Variants in CTNND2 observed in about 807,000 individuals in gnomAD.
The protein encoded by CTNND2 is catenin delta 2.
Under a neutral mutation model 144.4 loss-of-function variants are expected in CTNND2, and 22 were observed. That is an observed-to-expected ratio of 0.15 (90% CI 0.11 to 0.22). The LOEUF is 0.22. CTNND2 is among the 10% of genes least tolerant of loss of function. CTNND2 has a pLI of 1.00. For missense variants in CTNND2, 1,353 were observed against 1,618.8 expected (o/e 0.84, Z 2.82); for synonymous variants, 751 against 695.6 (o/e 1.08, Z -1.25).
intron 3 of CTNND2, among the ~76,000 whole-genome samples, chr5:11,492,520 T>G (rs1487647651): frequency 6.6e-6 from 1 of 151,668 alleles, no homozygotes; most frequent in Non-Finnish European, 1.5e-5. Context: ...TGTGTGTGTG[T>G]GTGTGTGTGT....
intron 3 of CTNND2, among the ~76,000 whole-genome samples, chr5:11,520,149 G>GAA (rs35979486): frequency 4.9e-5 from 6 of 123,430 alleles, no homozygotes; most frequent in Non-Finnish European, 8.5e-5. Flanking sequence ...CTCTGTCTTG[G>GAA]AAAAAAAAAA....
intron 15 of CTNND2, chr5:11,083,842 T>G: frequency 1.0e-5 from 9 of 860,502 alleles, no homozygotes; most frequent in Non-Finnish European, 1.2e-5. Flanking sequence ...TCCACCCCCC[T>G]TCCCCCATGG....
chr5:11,087,958 GC>G (rs2149646608), intron 15 of CTNND2, among the ~76,000 whole-genome samples: 1 of 152,318 alleles, frequency 6.6e-6, no homozygotes, highest in African/African-American at 2.4e-5. Flanking sequence ...CCCAGAGGAA[GC>G]ATTCACTGAA....
intron 10 of CTNND2, among the ~76,000 whole-genome samples, chr5:11,200,545 C>T (rs1011749729): frequency 2.0e-5 from 3 of 152,170 alleles, no homozygotes; most frequent in Admixed American, 6.5e-5. Context: ...TATGCTTCAC[C>T]GTTCTTCAGG....
At chr5:11,887,382 A>G (rs1049452377) in intron 1 of CTNND2, among the ~76,000 whole-genome samples, 4 of 152,034 alleles carry the variant, frequency 2.6e-5, no homozygotes, top group Admixed American at 2.6e-4. Flanking sequence ...TTTTAGGCTG[A>G]TTTGCTATTT....
intron 2 of CTNND2, among the ~76,000 whole-genome samples, chr5:11,634,793 A>G (rs1781595171): frequency 6.6e-6 from 1 of 152,176 alleles, no homozygotes; most frequent in Admixed American, 6.6e-5. Context: ...AGCACAGAAA[A>G]CATGATGCTA....
chr5:11,647,470 C>G (rs1419473146), intron 2 of CTNND2, among the ~76,000 whole-genome samples: 1 of 151,986 alleles, frequency 6.6e-6, no homozygotes, highest in Non-Finnish European at 1.5e-5. Context: ...CTCCACCAGT[C>G]ACTCCAGCCA....
intron 1 of CTNND2, among the ~76,000 whole-genome samples, chr5:11,843,367 T>C (rs1157678969): frequency 6.6e-6 from 1 of 152,194 alleles, no homozygotes; most frequent in African/African-American, 2.4e-5. Flanking sequence ...CATTCAGGTT[T>C]GCAAATGAAC....
chr5:11,068,922 T>C lies in CTNND2; in HGVS notation c.2788+13774A>G, dbSNP rs534935866. Among the ~76,000 whole-genome samples the C allele has an allele frequency of 1.1e-3, 169 of 152,004 alleles. 1 individual carries two copies. Among genetic ancestry groups the C allele is most frequent in the African/African-American group, 3.8e-3 (157 of 41,438 alleles). On this transcript the variant is annotated intron_variant, in intron 16 of 21. Coordinates refer to ENST00000304623, the MANE Select transcript of CTNND2 (RefSeq NM_001332.4). ...ACAGAGCGAGACTCCGTCTCAAAAA[T>C]AAAAACAACAACAAAAAAATAAGAA...
chr5:11,131,632 A>T (rs1755607036), intron 12 of CTNND2, among the ~76,000 whole-genome samples: 1 of 151,966 alleles, frequency 6.6e-6, no homozygotes, highest in African/African-American at 2.4e-5. Context: ...CTAAAAAAAT[A>T]AAAAAAATTA....
chr5:11,482,729 G>A (rs548327214), intron 3 of CTNND2, among the ~76,000 whole-genome samples: 7 of 152,272 alleles, frequency 4.6e-5, no homozygotes, highest in African/African-American at 1.2e-4. Context: ...AGACTTGAAG[G>A]AGGTGAGGGA....
At chr5:11,558,355 T>C (rs1361580667) in intron 3 of CTNND2, among the ~76,000 whole-genome samples, 2 of 101,940 alleles carry the variant, frequency 2.0e-5, no homozygotes. Context: ...TGTGTGTGTG[T>C]GTGTGTGTGT....
At chr5:11,741,354 G>A (rs1227837592) in intron 1 of CTNND2, among the ~76,000 whole-genome samples, 1 of 152,150 alleles carries the variant, frequency 6.6e-6, no homozygotes, top group African/African-American at 2.4e-5. Context: ...TTAAGAAAAT[G>A]TGGCACATAT....
intron 3 of CTNND2, among the ~76,000 whole-genome samples, chr5:11,468,038 G>A (rs1018585841): frequency 6.6e-6 from 1 of 152,216 alleles, no homozygotes; most frequent in African/African-American, 2.4e-5. Context: ...CAACTGGGGA[G>A]TTAAACGTGT....
intron 2 of CTNND2, among the ~76,000 whole-genome samples, chr5:11,600,498 G>A (rs1254758059): frequency 6.6e-6 from 1 of 151,964 alleles, no homozygotes; most frequent in Non-Finnish European, 1.5e-5. Flanking sequence ...TTGAAGTCAG[G>A]AGTTCGAGAC....
At chr5:11,514,668 G>T (rs1771999214) in intron 3 of CTNND2, among the ~76,000 whole-genome samples, 1 of 152,156 alleles carries the variant, frequency 6.6e-6, no homozygotes, top group African/African-American at 2.4e-5. Flanking sequence ...TGACACACAG[G>T]AGGTGTCATT....
chr5:11,761,990 A>C (rs1430282387), intron 1 of CTNND2, among the ~76,000 whole-genome samples: 1 of 152,350 alleles, frequency 6.6e-6, no homozygotes, highest in East Asian at 1.9e-4. Context: ...GACATTAGTC[A>C]AATAAGAGAA....
intron 11 of CTNND2, among the ~76,000 whole-genome samples, chr5:11,192,013 T>C (rs1736298621): frequency 6.6e-6 from 1 of 152,184 alleles, no homozygotes; most frequent in South Asian, 2.1e-4. Flanking sequence ...TCAGGTCTAA[T>C]CCTGATAACA....
intron 1 of CTNND2, among the ~76,000 whole-genome samples, chr5:11,825,142 A>C (rs1367317701): frequency 6.6e-6 from 1 of 152,218 alleles, no homozygotes; most frequent in Non-Finnish European, 1.5e-5. Context: ...AATAAATACT[A>C]AGATTCAGAA....
Sources: gnomAD v4.1 joint callset for allele counts (sites outside exome capture counted in the v4.1 genomes callset) on GRCh38, gnomAD v4.1.1 for gene constraint, MANE v1.5 for transcripts, NCBI Gene and HGNC (gene_info 2026-07-23, HGNC 2026-07-21) for gene names.